Variants in ZNF280D observed in about 807,000 individuals in gnomAD.
ZNF280D encodes suppressor of hairy wing homolog 4.
A neutral mutation model predicts 94.7 loss-of-function variants in ZNF280D; 39 were observed. That is an observed-to-expected ratio of 0.41 (90% CI 0.32 to 0.54). The LOEUF is 0.54. Among genes scored for constraint, ZNF280D ranks in the 20% least tolerant of loss-of-function variants. ZNF280D has a pLI of 0.22. For missense variants in ZNF280D, 1,090 were observed against 1,149.3 expected, an observed-to-expected ratio of 0.95 and a Z score of 0.75; for synonymous variants, 398 against 377.6, an observed-to-expected ratio of 1.05 and a Z score of -0.63.
rs1286150437 is a variant in ZNF280D, at chr15:56,630,529, G to A, written c.*969C>T. 3.3e-5 allele frequency: 5 copies of A among 152,010 alleles called. No individual in the cohort carries two copies. Among genetic ancestry groups the A allele is most frequent in the African/African-American group, 1.2e-4 (5 of 41,400 alleles). 9.4% of individuals were successfully genotyped at this position (152,010 alleles called of 1,614,324 possible). A position where few individuals can be genotyped will look rare whatever the true frequency, so the allele number is the denominator to read the frequency against. Reference sequence around the variant, plus strand: ...TTGAAGTTTTTATTTTACAATTACAGAAAAGTCACTTAAACATGGCTGAAT... The same window carrying A: ...TTGAAGTTTTTATTTTACAATTACAAAAAAGTCACTTAAACATGGCTGAAT... On this transcript the variant is annotated 3_prime_UTR_variant, in exon 22 of 22. Transcript: ENST00000267807.
chr15:56,656,211 G>C (rs1437062552), intron 17 of ZNF280D, among the ~76,000 whole-genome samples: 1 of 152,094 alleles, frequency 6.6e-6, no homozygotes, highest in Non-Finnish European at 1.5e-5. Flanking sequence ...TACAGGACCT[G>C]CTACTTTATG....
intron 19 of ZNF280D, chr15:56,652,346 A>G (rs2053256360): frequency 6.5e-6 from 1 of 153,768 alleles, no homozygotes; most frequent in South Asian, 2.1e-4. Flanking sequence ...GTGCTGCAAG[A>G]AAAAAATGCA....
intron 14 of ZNF280D, among the ~76,000 whole-genome samples, chr15:56,667,562 T>C (rs1454989908): frequency 2.0e-5 from 3 of 152,176 alleles, no homozygotes; most frequent in African/African-American, 7.2e-5. Flanking sequence ...AAGTTCATCA[T>C]TTAGTATTCA....
chr15:56,649,881 T>C (rs1162183559), intron 19 of ZNF280D, among the ~76,000 whole-genome samples: 1 of 152,076 alleles, frequency 6.6e-6, no homozygotes, highest in Non-Finnish European at 1.5e-5. Flanking sequence ...AGAGTTTACT[T>C]ACTGCTTACA....
At chr15:56,654,171 A>T (rs895714716) in intron 19 of ZNF280D, 27 bp downstream of exon 19, 2 of 1,600,098 alleles carry the variant, frequency 1.2e-6, no homozygotes, top group Non-Finnish European at 1.7e-6. Context: ...ATCAAAGTAA[A>T]ATGCACTGAA....
chr15:56,679,713 C>T (rs2055490014), intron 10 of ZNF280D, among the ~76,000 whole-genome samples: 2 of 152,022 alleles, frequency 1.3e-5, no homozygotes, highest in Admixed American at 1.3e-4. Context: ...ACTTTGAATC[C>T]CTAAAAGAAA....
intron 13 of ZNF280D, among the ~76,000 whole-genome samples, chr15:56,674,000 A>G (rs1024753926): frequency 2.0e-5 from 3 of 152,022 alleles, no homozygotes; most frequent in Admixed American, 6.6e-5. Context: ...ACACACACAT[A>G]CACAAATATA....
At chr15:56,711,368 T>C (rs1439812429) in intron 1 of ZNF280D, among the ~76,000 whole-genome samples, 1 of 152,134 alleles carries the variant, frequency 6.6e-6, no homozygotes, top group East Asian at 1.9e-4. Context: ...ATAAATCCCA[T>C]TTTAAAGAAC....
chr15:56,719,705 T>C (rs767289541), intron 1 of ZNF280D, among the ~76,000 whole-genome samples: 1 of 152,062 alleles, frequency 6.6e-6, no homozygotes, highest in Non-Finnish European at 1.5e-5. Context: ...CTCGGAGATA[T>C]TGAGGGCTCT....
In ZNF280D at chr15:56,668,942, G is replaced by C; in HGVS notation, c.1426C>G (p.Arg476Gly). The change falls in exon 14 of 22, where the codon CGT (arginine) becomes GGT (glycine). Residue 476 changes from arginine (R) to glycine (G), a missense_variant. Transcript: ENST00000267807. ...AACTGCAGCCTGCATTTTGTACAAC[G>C]ATGTATTCCTTTTTTCTGTTTAGAA... ...YMKHQKKGIH[R>G]CTKCRLQFLT... 6.2e-7 allele frequency: 1 copy of C among 1,608,404 alleles called. No homozygotes were observed. Among genetic ancestry groups the C allele is most frequent in the Non-Finnish European group, 8.5e-7 (1 of 1,177,980 alleles).
At chr15:56,654,555 T>C (rs77476438) in intron 17 of ZNF280D, 52 bp from the exon 18 acceptor site, 49,571 of 1,491,626 alleles carry the variant, frequency 0.033, 949 homozygotes, top group Non-Finnish European at 0.04. Context: ...AAAATCCACT[T>C]ATAAGTTTGA....
chr15:56,645,710 C>A (rs1474228369), intron 19 of ZNF280D, among the ~76,000 whole-genome samples: 1 of 152,078 alleles, frequency 6.6e-6, no homozygotes, highest in Non-Finnish European at 1.5e-5. Flanking sequence ...CCATGCCTGG[C>A]TAATTTTTGT....
intron 6 of ZNF280D, among the ~76,000 whole-genome samples, chr15:56,696,690 CA>C (rs576607686): frequency 2.0e-5 from 3 of 152,302 alleles, no homozygotes; most frequent in Admixed American, 1.3e-4. Flanking sequence ...TTCCAAAATT[CA>C]GAGAAAAGTC....
chr15:56,656,840 A>G (rs2053581057), intron 17 of ZNF280D, among the ~76,000 whole-genome samples: 1 of 152,194 alleles, frequency 6.6e-6, no homozygotes, highest in African/African-American at 2.4e-5. Flanking sequence ...AAACATAAAC[A>G]GGAGATAGGG....
At position 56,634,421 on chromosome 15, in the gene ZNF280D, T is replaced by C. The variant is rs527975709; in HGVS notation, c.2315+774A>G. Among the ~76,000 whole-genome samples the C allele has an allele frequency of 2.0e-5, 3 of 152,304 alleles. No individual in the cohort carries two copies. The South Asian group carries it at 6.2e-4, about 32-fold the overall frequency. On this transcript the variant is annotated intron_variant, in intron 21 of 21. Coordinates refer to ENST00000267807, the MANE Select transcript of ZNF280D (RefSeq NM_017661.4). ...GCATTTTCTAACTCCTTAGTTGATT[T>C]TTTGTTAACATTCCCCCAAGAACTT...
At chr15:56,729,721 C>T (rs1256050531) in intron 1 of ZNF280D, 2 of 152,140 alleles carry the variant, frequency 1.3e-5, no homozygotes, top group African/African-American at 4.8e-5. Context: ...AGGAAAATAA[C>T]TTGCAGAAAA....
At chr15:56,643,593 A>G (rs777597155) in intron 19 of ZNF280D, among the ~76,000 whole-genome samples, 1 of 151,806 alleles carries the variant, frequency 6.6e-6, no homozygotes, top group Non-Finnish European at 1.5e-5. Context: ...ATTAATTATA[A>G]CTTATTAAAA....
intron 4 of ZNF280D, among the ~76,000 whole-genome samples, chr15:56,701,898 G>A (rs2057098428): frequency 1.3e-5 from 2 of 151,874 alleles, no homozygotes; most frequent in African/African-American, 4.8e-5. Context: ...ATGACTTTGA[G>A]GATCAATTTA....
At chr15:56,708,011 C>T (rs1044429518) in intron 1 of ZNF280D, among the ~76,000 whole-genome samples, 13 of 151,666 alleles carry the variant, frequency 8.6e-5, no homozygotes, top group Middle Eastern at 6.8e-3. Flanking sequence ...TCCATGCACA[C>T]GCAATAGCAT....
Sources: allele counts gnomAD v4.1 joint callset (sites outside exome capture counted in the v4.1 genomes callset), GRCh38; gene constraint gnomAD v4.1.1; transcripts MANE v1.5; gene names NCBI Gene and HGNC (gene_info 2026-07-23, HGNC 2026-07-21).